Variants in DCDC2 observed in about 807,000 individuals in gnomAD.
DCDC2 encodes doublecortin domain containing 2.
Under a neutral mutation model 50.2 loss-of-function variants are expected in DCDC2, and 40 were observed. The ratio of observed to expected loss-of-function variants is 0.80; its 90% confidence interval spans 0.62 to 1.04. DCDC2 has a LOEUF of 1.04. DCDC2 is among the 50% of genes least tolerant of loss of function. DCDC2 has a pLI of 0.00. For synonymous variants in DCDC2, 234 were observed against 210.6 expected (o/e 1.11, Z -0.96); for missense variants, 570 against 581.9 (o/e 0.98, Z 0.21).
chr6:24,175,741 A>C (rs78094593), intron 9 of DCDC2, among the ~76,000 whole-genome samples: 3,792 of 152,304 alleles, frequency 0.025, 82 homozygotes, highest in African/African-American at 0.053. Context: ...GCTTTGTACA[A>C]GAATTGTTAC....
chr6:24,299,230 G>T (rs1159373753), intron 4 of DCDC2, among the ~76,000 whole-genome samples: 2 of 152,128 alleles, frequency 1.3e-5, no homozygotes, highest in South Asian at 2.1e-4. Context: ...GCAAATTAAT[G>T]CAGGAACAGA....
chr6:24,316,036 G>C (rs543123060), intron 2 of DCDC2, among the ~76,000 whole-genome samples: 3 of 152,280 alleles, frequency 2.0e-5, no homozygotes, highest in East Asian at 3.9e-4. Flanking sequence ...AAGGAGACCT[G>C]GAACAGTCAG....
chr6:24,366,859 T>G, the DCDC2 span, among the ~76,000 whole-genome samples: 2 of 152,146 alleles, frequency 1.3e-5, no homozygotes, highest in Non-Finnish European at 2.9e-5. Context: ...CTTTTTTTTT[T>G]TCTTTAGAAA....
At chr6:24,337,573 C>T (rs931610702) in intron 2 of DCDC2, among the ~76,000 whole-genome samples, 6 of 152,018 alleles carry the variant, frequency 3.9e-5, no homozygotes, top group Non-Finnish European at 7.4e-5. Context: ...GTGGGCGGAT[C>T]GCTTGAGGTC....
At chr6:24,191,524 G>A (rs1047170686) in intron 8 of DCDC2, among the ~76,000 whole-genome samples, 1 of 152,160 alleles carries the variant, frequency 6.6e-6, no homozygotes. Flanking sequence ...GGCATAGGGA[G>A]TGCTACAGCC....
At chr6:24,358,936 T>TATATATTATATATTTTATATA (rs1561788593), upstream of DCDC2, among the ~76,000 whole-genome samples, 10 of 16,988 alleles carry the variant, frequency 5.9e-4, no homozygotes, top group African/African-American at 2.4e-3. Context: ...TATTATATAT[T>TATATATTATATATTTTATATA]TTATATATTA....
chr6:24,224,602 G>A (rs142182364), intron 7 of DCDC2, among the ~76,000 whole-genome samples: 6 of 152,278 alleles, frequency 3.9e-5, no homozygotes, highest in East Asian at 1.9e-4. Flanking sequence ...GGCAGAAGCC[G>A]GAAGGTAAAA....
rs942195348 is a variant in DCDC2 at position 24,203,256 on chromosome 6, C to T, written c.1023+1746G>A. Reference sequence around the variant, plus strand: ...AACTATACTACAAGGCTACAGTAACCAAAACAGCATGATGCTGGTACCAAA... The same window carrying T: ...AACTATACTACAAGGCTACAGTAACTAAAACAGCATGATGCTGGTACCAAA... On this transcript the variant is annotated intron_variant, in intron 8 of 9. Coordinates refer to ENST00000378454, the MANE Select transcript of DCDC2 (RefSeq NM_016356.5). Among the ~76,000 whole-genome samples the T allele has an allele frequency of 3.3e-5, 5 of 152,258 alleles. No homozygotes were observed. In the East Asian group the frequency reaches 9.7e-4, roughly 29 times the overall value.
At chr6:24,356,851 G>A (rs1020322215) in intron 1 of DCDC2, 16 of 152,200 alleles carry the variant, frequency 1.1e-4, no homozygotes, top group African/African-American at 3.4e-4. Context: ...GTCTAATCAC[G>A]TTGCTGGAGA....
chr6:24,351,662 G>A (rs375967825), intron 2 of DCDC2, among the ~76,000 whole-genome samples: 26 of 152,276 alleles, frequency 1.7e-4, no homozygotes, highest in East Asian at 5.8e-4. Context: ...TTTTTCACAC[G>A]TAAGGTGTGC....
chr6:24,275,204 TTCAA>T (rs2113817123), intron 7 of DCDC2, among the ~76,000 whole-genome samples: 1 of 152,274 alleles, frequency 6.6e-6, no homozygotes, highest in Non-Finnish European at 1.5e-5. Context: ...AAAAAGCAAC[TTCAA>T]TAATAAATGA....
At chr6:24,282,791 C>T (rs539656590) in intron 6 of DCDC2, among the ~76,000 whole-genome samples, 31 of 151,922 alleles carry the variant, frequency 2.0e-4, no homozygotes, top group Non-Finnish European at 4.0e-4. Context: ...AGGGACTAGA[C>T]GGGGACTGCA....
intron 1 of DCDC2, 85 bp downstream of exon 1, chr6:24,357,372 TG>T (rs893877115): frequency 3.1e-4 from 441 of 1,436,982 alleles, no homozygotes; most frequent in Non-Finnish European, 3.8e-4. Context: ...CACTGAGGTG[TG>T]GGGGGGTAGG....
chr6:24,235,176 A>C (rs529934800), intron 7 of DCDC2, among the ~76,000 whole-genome samples: 6 of 152,312 alleles, frequency 3.9e-5, no homozygotes, highest in Admixed American at 1.3e-4. Context: ...TTTTAACAAC[A>C]TATCTTTCAG....
At chr6:24,287,419 A>G (rs939976280) in intron 6 of DCDC2, among the ~76,000 whole-genome samples, 3 of 152,100 alleles carry the variant, frequency 2.0e-5, no homozygotes, top group African/African-American at 7.2e-5. Flanking sequence ...GCAGTGGGGC[A>G]ATCTCTGCTC....
chr6:24,301,210 A>G (rs914739406), intron 4 of DCDC2, among the ~76,000 whole-genome samples: 2 of 151,846 alleles, frequency 1.3e-5, no homozygotes, highest in Non-Finnish European at 2.9e-5. Flanking sequence ...TCTCTACTAA[A>G]AATACAAAAA....
At chr6:24,351,972 C>T (rs957707487) in intron 2 of DCDC2, among the ~76,000 whole-genome samples, 1 of 152,024 alleles carries the variant, frequency 6.6e-6, no homozygotes, top group Non-Finnish European at 1.5e-5. Flanking sequence ...GGTGTGGTGG[C>T]ACGTGCCTGT....
chr6:24,182,642 A>AAAAAAAAAAAT (rs1274509810), intron 8 of DCDC2, among the ~76,000 whole-genome samples: 2 of 150,702 alleles, frequency 1.3e-5, no homozygotes, highest in Non-Finnish European at 3.0e-5. Flanking sequence ...AAAAAAAAAA[A>AAAAAAAAAAAT]AACAGAAGAA....
intron 4 of DCDC2, among the ~76,000 whole-genome samples, chr6:24,301,062 A>AC (rs936777761): frequency 1.1e-4 from 16 of 151,376 alleles, no homozygotes; most frequent in Middle Eastern, 3.4e-3. Context: ...TAAAAAAAAA[A>AC]AACGGACAAT....
Sources: gnomAD v4.1 joint callset for allele counts (sites outside exome capture counted in the v4.1 genomes callset) on GRCh38, gnomAD v4.1.1 for gene constraint, MANE v1.5 for transcripts, NCBI Gene and HGNC (gene_info 2026-07-23, HGNC 2026-07-21) for gene names.